Variants in ITGA9 observed in about 807,000 individuals in gnomAD.
The protein encoded by ITGA9 is integrin alpha-9.
Under a neutral mutation model 127.8 loss-of-function variants are expected in ITGA9, and 56 were observed. The ratio of observed to expected loss-of-function variants is 0.44; its 90% confidence interval spans 0.35 to 0.55. The LOEUF is 0.55. Ranked by LOEUF, ITGA9 falls within the 20% of genes least tolerant of loss-of-function variation. The probability of loss-of-function intolerance (pLI) is 0.00; values close to 1 mark genes in which losing one functional copy is unlikely to be tolerated. For synonymous variants in ITGA9, 508 were observed against 514.5 expected, an observed-to-expected ratio of 0.99 and a Z score of 0.17; for missense variants, 1,196 against 1,347.1, an observed-to-expected ratio of 0.89 and a Z score of 1.76.
intron 1 of ITGA9, among the ~76,000 whole-genome samples, chr3:37,462,623 C>T (rs1244545184): frequency 2.6e-5 from 4 of 152,112 alleles, no homozygotes; most frequent in Non-Finnish European, 5.9e-5. Context: ...AGCCATGCTA[C>T]CCTCCCTACC....
In ITGA9 at chr3:37,819,094, C is replaced by T; in HGVS notation, c.*105C>T. ...TCTTCTCCAGATTTTTCGGAGGCCC[C>T]ACTGATGCTGTTCTCTTCTTCATTC... On this transcript the variant is annotated 3_prime_UTR_variant, in exon 28 of 28. Coordinates refer to ENST00000264741, the MANE Select transcript of ITGA9 (RefSeq NM_002207.3). 1.2e-6 allele frequency: 1 copy of T among 856,232 alleles called. No homozygotes were observed. Among genetic ancestry groups the T allele is most frequent in the Non-Finnish European group, 2.0e-6 (1 of 512,044 alleles). The allele number at this position is 856,232 out of a possible 1,614,324, so 53.0% of individuals were successfully genotyped here.
chr3:37,720,767 A>T (rs1701182176), intron 18 of ITGA9, among the ~76,000 whole-genome samples: 1 of 152,198 alleles, frequency 6.6e-6, no homozygotes. Flanking sequence ...GAAGAGGACA[A>T]TCACCAGGAT....
chr3:37,507,937 C>T (rs1011132713), intron 7 of ITGA9, among the ~76,000 whole-genome samples: 1 of 152,226 alleles, frequency 6.6e-6, no homozygotes, highest in African/African-American at 2.4e-5. Context: ...TGTCAGTGAT[C>T]GTCTTTGCAG....
At chr3:37,717,629 A>G (rs1262913901) in intron 18 of ITGA9, among the ~76,000 whole-genome samples, 1 of 152,166 alleles carries the variant, frequency 6.6e-6, no homozygotes, top group African/African-American at 2.4e-5. Context: ...TTCAGATCTC[A>G]TGAGAACTCA....
intron 12 of ITGA9, 61 bp downstream of exon 12, chr3:37,523,672 A>G (rs1175228799): frequency 8.4e-7 from 1 of 1,188,814 alleles, no homozygotes; most frequent in African/African-American, 1.5e-5. Flanking sequence ...GAAGTAGAAT[A>G]ATTTTCAGTC....
intron 9 of ITGA9, 128 bp downstream of exon 9, chr3:37,514,028 A>C: frequency 8.8e-7 from 1 of 1,132,300 alleles, no homozygotes; most frequent in Non-Finnish European, 1.3e-6. Flanking sequence ...AAAATATGTG[A>C]TATCTGTCTT....
chr3:37,519,391 C>T (rs1699022265), intron 11 of ITGA9, 37 bp downstream of exon 11: 3 of 1,498,210 alleles, frequency 2.0e-6, no homozygotes, highest in Non-Finnish European at 1.9e-6. Context: ...ACTGTTCATA[C>T]ATTCATTCAG....
At chr3:37,798,711 T>G (rs1287321587) in intron 26 of ITGA9, among the ~76,000 whole-genome samples, 1 of 152,220 alleles carries the variant, frequency 6.6e-6, no homozygotes, top group Non-Finnish European at 1.5e-5. Context: ...AGGTTAGAAT[T>G]TATTGCCTTG....
chr3:37,623,093 A>G (rs575701993), intron 15 of ITGA9, among the ~76,000 whole-genome samples: 4 of 152,244 alleles, frequency 2.6e-5, no homozygotes, highest in East Asian at 3.9e-4. Flanking sequence ...TCACAATCCT[A>G]TAAATTAAAA....
intron 25 of ITGA9, among the ~76,000 whole-genome samples, chr3:37,781,392 T>C (rs920815727): frequency 2.0e-5 from 3 of 152,226 alleles, no homozygotes; most frequent in African/African-American, 7.2e-5. Flanking sequence ...GGCATGGCTG[T>C]GATCCAGTAA....
chr3:37,800,823 A>AGT (rs1697227678), intron 26 of ITGA9, among the ~76,000 whole-genome samples: 1 of 152,214 alleles, frequency 6.6e-6, no homozygotes, highest in African/African-American at 2.4e-5. Context: ...CAGCAGTGAG[A>AGT]GTGGACATGC....
At chr3:37,505,780 A>G (rs1226322033) in intron 6 of ITGA9, among the ~76,000 whole-genome samples, 1 of 152,240 alleles carries the variant, frequency 6.6e-6, no homozygotes, top group Non-Finnish European at 1.5e-5. Context: ...GAAGACACTC[A>G]GAAAGCCCTC....
At chr3:37,631,591 A>G (rs915780106) in intron 16 of ITGA9, among the ~76,000 whole-genome samples, 3 of 152,198 alleles carry the variant, frequency 2.0e-5, no homozygotes, top group Non-Finnish European at 4.4e-5. Flanking sequence ...AGAGTCCAGT[A>G]ATTTTCTGGT....
At chr3:37,770,787 C>T (rs1397292703) in intron 23 of ITGA9, among the ~76,000 whole-genome samples, 2 of 152,190 alleles carry the variant, frequency 1.3e-5, no homozygotes, top group Admixed American at 1.3e-4. Context: ...CTGACCATGA[C>T]AGCTCCTTTC....
At chr3:37,676,038 G>A (rs1366144944) in intron 17 of ITGA9, among the ~76,000 whole-genome samples, 2 of 151,910 alleles carry the variant, frequency 1.3e-5, no homozygotes, top group Non-Finnish European at 2.9e-5. Context: ...CATCACGCCC[G>A]GCCCAAAACT....
intron 15 of ITGA9, among the ~76,000 whole-genome samples, chr3:37,606,411 G>A (rs1271058149): frequency 6.6e-6 from 1 of 152,144 alleles, no homozygotes; most frequent in South Asian, 2.1e-4. Context: ...GGCTATCAGG[G>A]TAGAAGAACT....
intron 15 of ITGA9, among the ~76,000 whole-genome samples, chr3:37,555,266 G>C (rs1215974721): frequency 1.3e-5 from 2 of 152,218 alleles, no homozygotes; most frequent in Non-Finnish European, 2.9e-5. Flanking sequence ...AGATGTCTAA[G>C]TACCAGCTAG....
chr3:37,598,340 C>T (rs1268916666), intron 15 of ITGA9, among the ~76,000 whole-genome samples: 1 of 152,104 alleles, frequency 6.6e-6, no homozygotes, highest in Non-Finnish European at 1.5e-5. Context: ...GAAAGGTGGG[C>T]AGAAGCCTCT....
chr3:37,466,415 T>C (rs1200251812), intron 1 of ITGA9, among the ~76,000 whole-genome samples: 1 of 126,918 alleles, frequency 7.9e-6, no homozygotes, highest in African/African-American at 3.0e-5. Context: ...ACCCGGGAGG[T>C]GGAGGTTGCA....
Sources: gnomAD v4.1 joint callset for allele counts (sites outside exome capture counted in the v4.1 genomes callset) on GRCh38, gnomAD v4.1.1 for gene constraint, MANE v1.5 for transcripts, NCBI Gene and HGNC (gene_info 2026-07-23, HGNC 2026-07-21) for gene names.